Variants in CYP4X1 observed in about 807,000 individuals in gnomAD.
CYP4X1 encodes the protein cytochrome P450 family 4 subfamily X member 1.
Under a neutral mutation model 57.9 loss-of-function variants are expected in CYP4X1, and 44 were observed. The ratio of observed to expected loss-of-function variants is 0.76; its 90% CI spans 0.60 to 0.98. CYP4X1 has a LOEUF of 0.98. Among genes scored for constraint, CYP4X1 ranks in the 50% least tolerant of loss-of-function variants. The probability of loss-of-function intolerance (pLI) is 0.00; values close to 1 mark genes in which losing one functional copy is unlikely to be tolerated. For missense variants in CYP4X1, 532 were observed against 623.9 expected, an observed-to-expected ratio of 0.85 and a Z score of 1.57; for synonymous variants, 227 against 228.6, an observed-to-expected ratio of 0.99 and a Z score of 0.06.
At position 47,050,160 on chromosome 1, in the gene CYP4X1, C is replaced by T; in HGVS notation, c.1516C>T (p.Leu506Phe). 5 of 1,613,856 alleles carry T rather than the reference C, an allele frequency of 3.1e-6. No homozygotes were observed. Among genetic ancestry groups the T allele is most frequent in the Non-Finnish European group, 4.2e-6 (5 of 1,179,936 alleles). Residue 506 changes from leucine to phenylalanine, a missense_variant, in exon 12 of 12, where the codon CTC becomes TTC. Coordinates refer to ENST00000371901, the MANE Select transcript of CYP4X1 (RefSeq NM_178033.2). ...KNGMYLHLKK[L>F]SEC ...TGGGATGTATTTGCACCTGAAGAAA[C>T]TCTCTGAATGTTAGATCTCAGGGTA... is the stretch of plus-strand genomic sequence containing the variant.
At chr1:47,043,750 A>G (rs1239233062) in intron 8 of CYP4X1, among the ~76,000 whole-genome samples, 5 of 152,094 alleles carry the variant, frequency 3.3e-5, no homozygotes, top group African/African-American at 1.2e-4. Flanking sequence ...GTTAATATTT[A>G]AAGCTTTATA....
upstream of CYP4X1, among the ~76,000 whole-genome samples, chr1:47,022,023 C>A (rs1436438501): frequency 6.6e-6 from 1 of 152,162 alleles, no homozygotes; most frequent in Non-Finnish European, 1.5e-5. Flanking sequence ...ATACAACCAT[C>A]ATGATTTGGG....
the CYP4X1 span, chr1:46,961,675 T>C: frequency 7.7e-7 from 1 of 1,291,626 alleles, no homozygotes; most frequent in Non-Finnish European, 1.0e-6. Context: ...GGGAACCCCC[T>C]AGTCTCTATT....
chr1:46,967,287 C>T, the CYP4X1 span, among the ~76,000 whole-genome samples: 3 of 152,274 alleles, frequency 2.0e-5, no homozygotes, highest in African/African-American at 4.8e-5. Context: ...AATGTGAGAC[C>T]TCCAGACATT....
chr1:47,011,595 AG>A, the CYP4X1 span, among the ~76,000 whole-genome samples: 2 of 152,244 alleles, frequency 1.3e-5, no homozygotes, highest in Non-Finnish European at 2.9e-5. Flanking sequence ...GCACAGCAAA[AG>A]AAACTACCAT....
At chr1:47,012,225 A>G in the CYP4X1 span, among the ~76,000 whole-genome samples, 1 of 152,276 alleles carries the variant, frequency 6.6e-6, no homozygotes, top group African/African-American at 2.4e-5. Flanking sequence ...AATACTAAGC[A>G]GCCATAAAAA....
the CYP4X1 span, among the ~76,000 whole-genome samples, chr1:46,986,346 A>G: frequency 6.6e-6 from 1 of 152,202 alleles, no homozygotes; most frequent in Non-Finnish European, 1.5e-5. Context: ...AAAGAATGAA[A>G]AGAAATGAGC....
upstream of CYP4X1, among the ~76,000 whole-genome samples, chr1:47,023,216 C>T (rs1644018043): frequency 6.6e-6 from 1 of 152,170 alleles, no homozygotes; most frequent in Non-Finnish European, 1.5e-5. Flanking sequence ...TATGATGGTA[C>T]GCTACTGTGC....
chr1:46,965,432 C>T, the CYP4X1 span, among the ~76,000 whole-genome samples: 1 of 152,154 alleles, frequency 6.6e-6, no homozygotes, highest in Non-Finnish European at 1.5e-5. Flanking sequence ...TTGTTGTTTC[C>T]TGTTTTTTGT....
At chr1:47,013,047 C>CACCAT in the CYP4X1 span, among the ~76,000 whole-genome samples, 1 of 152,050 alleles carries the variant, frequency 6.6e-6, no homozygotes, top group Non-Finnish European at 1.5e-5. Context: ...GGGGAAAGGT[C>CACCAT]ACCATACCGT....
chr1:46,979,143 G>T, the CYP4X1 span, among the ~76,000 whole-genome samples: 1 of 152,102 alleles, frequency 6.6e-6, no homozygotes, highest in African/African-American at 2.4e-5. Context: ...AACTGAAGGA[G>T]ATAGAGACAC....
intron 6 of CYP4X1, among the ~76,000 whole-genome samples, 199 bp downstream of exon 6, chr1:47,036,370 T>TTTTATATATATATATATATATA (rs1553152517): frequency 1.5e-5 from 2 of 129,838 alleles, no homozygotes; most frequent in East Asian, 7.2e-4. Context: ...ATCAGAATTT[T>TTTTATATATATATATATATATA]TATATATATA....
Position 47,050,382 on chromosome 1 carries a change from C to G in CYP4X1, c.*208C>G. ...ATATAACTTTGGGAGATTTTCAGAT[C>G]TTTTCTGTTAAACTTTCACTACTAT... On this transcript the variant is annotated 3_prime_UTR_variant, in exon 12 of 12. Coordinates refer to ENST00000371901, the MANE Select transcript of CYP4X1 (RefSeq NM_178033.2). The G allele has an allele frequency of 1.9e-6, 1 of 518,064 alleles. No homozygotes were observed. The highest frequency in any genetic ancestry group is 3.4e-6 in the Non-Finnish European group (1 of 292,316). The allele number at this position is 518,064 out of a possible 1,614,324, so 32.1% of individuals were successfully genotyped here. A position where few individuals can be genotyped will look rare whatever the true frequency, so the allele number is the denominator to read the frequency against.
chr1:47,047,701 A>C (rs1057452911), intron 9 of CYP4X1, among the ~76,000 whole-genome samples: 2 of 152,112 alleles, frequency 1.3e-5, no homozygotes, highest in African/African-American at 2.4e-5. Flanking sequence ...TCCCAGGTTT[A>C]AGCAGTTCTC....
At chr1:46,978,338 A>T in the CYP4X1 span, among the ~76,000 whole-genome samples, 58 of 152,138 alleles carry the variant, frequency 3.8e-4, 2 homozygotes, top group South Asian at 0.011. Flanking sequence ...TAGTCTCTGA[A>T]AAAACAGACT....
the CYP4X1 span, among the ~76,000 whole-genome samples, chr1:47,008,736 A>G: frequency 1.3e-5 from 2 of 152,210 alleles, no homozygotes; most frequent in African/African-American, 4.8e-5. Flanking sequence ...AAGATCTACC[A>G]AACAAATGGA....
rs956040335 is a variant in CYP4X1, at chr1:47,023,684, T to C, written c.-134T>C. 6.3e-5 allele frequency: 90 copies of C among 1,429,428 alleles called. No homozygotes were observed. Among genetic ancestry groups the C allele is most frequent in the Non-Finnish European group, 8.2e-5 (90 of 1,094,998 alleles). 88.5% of individuals were successfully genotyped at this position (1,429,428 alleles called of 1,614,324 possible). Reference sequence around the variant, plus strand: ...TGCCCCTCCCACTGCCTTTCCTTCTTCCCGCGAGTCAGAAGCTTCGCGAGG... The same window carrying C: ...TGCCCCTCCCACTGCCTTTCCTTCTCCCCGCGAGTCAGAAGCTTCGCGAGG... On this transcript the variant is annotated 5_prime_UTR_variant, in exon 1 of 12. Coordinates refer to ENST00000371901, the MANE Select transcript of CYP4X1 (RefSeq NM_178033.2).
At chr1:47,026,165 A>G (rs149449069) in intron 1 of CYP4X1, among the ~76,000 whole-genome samples, 2 of 152,322 alleles carry the variant, frequency 1.3e-5, no homozygotes, top group South Asian at 2.1e-4. Flanking sequence ...AATAACACCT[A>G]CTATTTGATA....
chr1:47,003,868 C>T, the CYP4X1 span, among the ~76,000 whole-genome samples: 1 of 152,106 alleles, frequency 6.6e-6, no homozygotes, highest in African/African-American at 2.4e-5. Flanking sequence ...CTCCACCGTC[C>T]CCGCCAAAAA....
Sources: gnomAD v4.1 joint callset for allele counts (sites outside exome capture counted in the v4.1 genomes callset) on GRCh38, gnomAD v4.1.1 for gene constraint, MANE v1.5 for transcripts, NCBI Gene and HGNC (gene_info 2026-07-23, HGNC 2026-07-21) for gene names.